Variants in SRBD1 observed in about 807,000 individuals in gnomAD.
SRBD1 encodes the protein S1 RNA binding domain 1, also known as S1 RNA-binding domain-containing protein 1.
Under a neutral mutation model 115.3 loss-of-function variants are expected in SRBD1, and 88 were observed. The observed-to-expected ratio is 0.76, with a 90% CI of 0.64 to 0.91. The LOEUF (loss-of-function observed/expected upper bound fraction) is 0.91, where lower values mean the gene tolerates loss of function less well. SRBD1 is among the 40% of genes least tolerant of loss of function. SRBD1 has a pLI of 0.00. For missense variants in SRBD1, 1,385 were observed against 1,177.4 expected (o/e 1.18, Z -2.58); for synonymous variants, 509 against 407.7 (o/e 1.25, Z -2.99).
intron 14 of SRBD1, among the ~76,000 whole-genome samples, chr2:45,502,311 C>T (rs1397876970): frequency 2.0e-5 from 3 of 152,182 alleles, no homozygotes; most frequent in Non-Finnish European, 4.4e-5. Flanking sequence ...TTTGATTTGA[C>T]CCAGCCATCC....
intron 9 of SRBD1, among the ~76,000 whole-genome samples, chr2:45,568,498 C>G (rs1032987949): frequency 3.3e-5 from 5 of 152,142 alleles, no homozygotes; most frequent in South Asian, 2.1e-4. Context: ...ACATGATAAA[C>G]TAAAAAGTTC....
chr2:45,589,794 A>G (rs541455772), intron 4 of SRBD1, among the ~76,000 whole-genome samples: 2 of 152,226 alleles, frequency 1.3e-5, no homozygotes, highest in Non-Finnish European at 1.5e-5. Context: ...ATTTTAGCTC[A>G]TATTATATGC....
chr2:45,532,453 C>A (rs1315860979), intron 14 of SRBD1, among the ~76,000 whole-genome samples: 3 of 151,776 alleles, frequency 2.0e-5, no homozygotes, highest in Non-Finnish European at 4.4e-5. Flanking sequence ...ACTGTAGGTA[C>A]CTGATGAAAT....
chr2:45,405,964 G>A (rs757689388), intron 19 of SRBD1, among the ~76,000 whole-genome samples: 2 of 152,140 alleles, frequency 1.3e-5, no homozygotes, highest in Non-Finnish European at 2.9e-5. Context: ...TTTCGGAAGT[G>A]AGGAATAGGG....
chr2:45,511,679 A>G (rs919457790), intron 14 of SRBD1, among the ~76,000 whole-genome samples: 1 of 152,222 alleles, frequency 6.6e-6, no homozygotes, highest in African/African-American at 2.4e-5. Context: ...ATTCAATGGT[A>G]TATATTCCCA....
At chr2:45,572,707 G>C (rs1186720222) in intron 9 of SRBD1, among the ~76,000 whole-genome samples, 2 of 151,962 alleles carry the variant, frequency 1.3e-5, no homozygotes, top group Non-Finnish European at 2.9e-5. Flanking sequence ...TTTGCCCTAT[G>C]TAATTTAAAA....
intron 9 of SRBD1, among the ~76,000 whole-genome samples, chr2:45,563,538 C>A (rs1672736443): frequency 6.6e-6 from 1 of 151,628 alleles, no homozygotes; most frequent in Admixed American, 6.6e-5. Flanking sequence ...AAGATATCAA[C>A]AAAATTAACA....
At chr2:45,518,910 G>A (rs1242965251) in intron 14 of SRBD1, among the ~76,000 whole-genome samples, 6 of 148,322 alleles carry the variant, frequency 4.0e-5, no homozygotes, top group Admixed American at 3.4e-4. Flanking sequence ...TTTTCCCAGA[G>A]AGAAATGACA....
At chr2:45,547,187 T>C (rs1672148104) in intron 13 of SRBD1, among the ~76,000 whole-genome samples, 1 of 152,298 alleles carries the variant, frequency 6.6e-6, no homozygotes, top group African/African-American at 2.4e-5. Flanking sequence ...TTATATAATA[T>C]ATTGTCAATT....
Position 45,516,833 on chromosome 2 carries a change from T to C in SRBD1, c.1875-28502A>G, listed in dbSNP as rs999583839. 6.6e-5 allele frequency among the ~76,000 whole-genome samples: 10 copies of C among 152,192 alleles called. No homozygotes were observed. The South Asian group carries it at 2.1e-3, about 31-fold the overall frequency. ...ATTTTGTTAATATAAATAAAAGATA[T>C]ATTAGAATCCATAGGTTCTGGTTAA... is the stretch of plus-strand genomic sequence containing the variant. On this transcript the variant is annotated intron_variant, in intron 14 of 20. Transcript: ENST00000263736.
intron 14 of SRBD1, among the ~76,000 whole-genome samples, chr2:45,498,914 G>T (rs1212192669): frequency 6.6e-6 from 1 of 152,154 alleles, no homozygotes; most frequent in Non-Finnish European, 1.5e-5. Flanking sequence ...CACTTAGATT[G>T]ATTCCATATC....
At chr2:45,593,105 G>T (rs777128878) in intron 4 of SRBD1, among the ~76,000 whole-genome samples, 1 of 152,068 alleles carries the variant, frequency 6.6e-6, no homozygotes, top group African/African-American at 2.4e-5. Context: ...AGGCACTCTC[G>T]AGAATTTTTT....
chr2:45,551,294 G>C lies in SRBD1; in HGVS notation c.1518-12C>G, dbSNP rs1365086823. On this transcript the variant is annotated splice_polypyrimidine_tract_variant and intron_variant, in intron 11 of 20. Coordinates refer to ENST00000263736, the MANE Select transcript of SRBD1 (RefSeq NM_018079.5). ...ATGTTAGTTTGGCTCTTTAGAAATA[G>C]AAGAAAAGAAAAAGTTTTTCATTCA... 1.9e-6 allele frequency: 3 copies of C among 1,578,592 alleles called. No homozygotes were observed. Among genetic ancestry groups the C allele is most frequent in the African/African-American group, 1.4e-5 (1 of 72,570 alleles).
intron 14 of SRBD1, among the ~76,000 whole-genome samples, chr2:45,532,593 G>C (rs1671645909): frequency 6.6e-6 from 1 of 151,736 alleles, no homozygotes; most frequent in Non-Finnish European, 1.5e-5. Context: ...CCATGCCCTT[G>C]AAACCTAATT....
intron 16 of SRBD1, among the ~76,000 whole-genome samples, chr2:45,463,878 G>A (rs1310198567): frequency 6.6e-6 from 1 of 152,016 alleles, no homozygotes; most frequent in Non-Finnish European, 1.5e-5. Flanking sequence ...ATCAAACAAA[G>A]ATAAAATTAC....
chr2:45,578,803 A>ATCGTAATGTATACTGTGAATTTGC (rs1360446572), intron 7 of SRBD1, among the ~76,000 whole-genome samples: 1 of 152,204 alleles, frequency 6.6e-6, no homozygotes, highest in Non-Finnish European at 1.5e-5. Context: ...AGTTAATAAT[A>ATCGTAATGTATACTGTGAATTTGC]TCGTAATGTA....
In SRBD1 at chr2:45,546,845, A is replaced by G. The variant is rs760035228; in HGVS notation, c.1767-6T>C. On this transcript the variant is annotated splice_region_variant and splice_polypyrimidine_tract_variant and intron_variant, in intron 13 of 20. Transcript: ENST00000263736. ...CAATCACTACTGTGCTGCAGCTTCA[A>G]GGCAGAAACAGAATGACAAACTGAA... 6 of 1,613,434 alleles carry G rather than the reference A, an allele frequency of 3.7e-6. No individual in the cohort carries two copies. The highest frequency in any genetic ancestry group is 2.2e-5 in the South Asian group (2 of 91,066).
chr2:45,508,983 G>A (rs1212690021), intron 14 of SRBD1, among the ~76,000 whole-genome samples: 2 of 152,118 alleles, frequency 1.3e-5, no homozygotes, highest in Non-Finnish European at 2.9e-5. Flanking sequence ...GGTGAGTTGG[G>A]AGGTGGGGGC....
At chr2:45,415,432 TAC>T (rs962078897) in intron 18 of SRBD1, among the ~76,000 whole-genome samples, 1 of 143,550 alleles carries the variant, frequency 7.0e-6, no homozygotes, top group Non-Finnish European at 1.5e-5. Context: ...TATGTGTATA[TAC>T]ACACATTTAA....
Sources: allele counts gnomAD v4.1 joint callset (sites outside exome capture counted in the v4.1 genomes callset), GRCh38; gene constraint gnomAD v4.1.1; transcripts MANE v1.5; gene names NCBI Gene and HGNC (gene_info 2026-07-23, HGNC 2026-07-21).